MAPK9: variants seen among roughly 807,000 people sequenced by gnomAD.
MAPK9 encodes Jun kinase.
Under a neutral mutation model 57.1 loss-of-function variants are expected in MAPK9, and 30 were observed. The ratio of observed to expected loss-of-function variants is 0.53; its 90% CI spans 0.39 to 0.71. The LOEUF is 0.71. Ranked by LOEUF, MAPK9 falls within the 30% of genes least tolerant of loss-of-function variation. The probability of loss-of-function intolerance (pLI) is 0.00; values close to 1 mark genes in which losing one functional copy is unlikely to be tolerated. For missense variants in MAPK9, 362 were observed against 521.0 expected (o/e 0.69, Z 2.97); for synonymous variants, 155 against 177.0 (o/e 0.88, Z 0.99).
chr5:180,275,830 C>T (rs995867119), intron 2 of MAPK9, among the ~76,000 whole-genome samples: 10 of 152,222 alleles, frequency 6.6e-5, no homozygotes, highest in Non-Finnish European at 1.2e-4. Flanking sequence ...CTCTTCCTTA[C>T]GCACATACTT....
chr5:180,253,963 C>CTTTTTTTT (rs5873681), intron 5 of MAPK9, among the ~76,000 whole-genome samples: 13 of 109,358 alleles, frequency 1.2e-4, no homozygotes, highest in East Asian at 2.8e-4. Flanking sequence ...GCTTCAATCT[C>CTTTTTTTT]TTTTTTTTTT....
chr5:180,267,941 C>A (rs756457217), intron 3 of MAPK9, among the ~76,000 whole-genome samples: 1 of 152,162 alleles, frequency 6.6e-6, no homozygotes, highest in Admixed American at 6.5e-5. Flanking sequence ...CAGCTCACTG[C>A]AAGCTCTGCC....
At chr5:180,251,248 C>T (rs1758659995) in intron 5 of MAPK9, among the ~76,000 whole-genome samples, 1 of 152,098 alleles carries the variant, frequency 6.6e-6, no homozygotes, top group South Asian at 2.1e-4. Flanking sequence ...ACTTCCCCAG[C>T]CAGCAGGCCC....
At chr5:180,254,958 C>T (rs564651201) in intron 5 of MAPK9, among the ~76,000 whole-genome samples, 1 of 152,192 alleles carries the variant, frequency 6.6e-6, no homozygotes, top group East Asian at 1.9e-4. Flanking sequence ...GGCGTGAACC[C>T]GAGAGGCAGA....
At chr5:180,279,987 TG>T (rs1365105980) in intron 2 of MAPK9, 1 of 456,778 alleles carries the variant, frequency 2.2e-6, no homozygotes, top group Admixed American at 2.3e-5. Flanking sequence ...ACAATGACAC[TG>T]ACTGGCCTCA....
chr5:180,261,550 A>G, intron 5 of MAPK9, 134 bp downstream of exon 5: 1 of 921,112 alleles, frequency 1.1e-6, no homozygotes. Flanking sequence ...TGACTCTCTT[A>G]AAACACCATA....
chr5:180,264,808 T>C lies in MAPK9; in HGVS notation c.284A>G (p.Gln95Arg). Residue 95 changes from glutamine (Q) to arginine (R), a missense_variant, in exon 4 of 12, where the codon CAA (glutamine) becomes CGA (arginine). Gln to Arg is a conservative substitution (Grantham distance 43). Transcript: ENST00000452135. ...ATCTTGAAATTCTTCTAGAGTTTTTTGTGGTGTAAACACATTTAACAAACT... is the reference window on the plus strand; with the variant it reads ...ATCTTGAAATTCTTCTAGAGTTTTTCGTGGTGTAAACACATTTAACAAACT... The part of the protein sequence containing the change: ...IISLLNVFTP[Q>R]KTLEEFQDVY... 1.3e-6 allele frequency: 2 copies of C among 1,570,056 alleles called. No individual in the cohort carries two copies. Among genetic ancestry groups the C allele is most frequent in the Non-Finnish European group, 1.7e-6 (2 of 1,155,018 alleles).
In MAPK9 at chr5:180,269,269, A is replaced by G. The variant is rs1334915104; in HGVS notation, c.252+11T>C. 14 of 1,612,276 alleles carry G rather than the reference A, an allele frequency of 8.7e-6. No homozygotes were observed. The highest frequency in any genetic ancestry group is 1.1e-5 in the Non-Finnish European group (13 of 1,178,512). On this transcript the variant is annotated intron_variant, in intron 3 of 11. Transcript: ENST00000452135. ...ATGGAAGCACACAGACAAAATACAT[A>G]CATAACTTACATTTTTATGATTGAC...
intron 10 of MAPK9, 100 bp from the exon 11 acceptor site, chr5:180,238,503 G>A (rs557437200): frequency 1.9e-5 from 16 of 829,276 alleles, no homozygotes; most frequent in South Asian, 7.6e-5. Context: ...AAGGCATTGC[G>A]ATTTGTTATT....
Position 180,236,251 on chromosome 5 carries a change from G to A in MAPK9, c.*133C>T, listed in dbSNP as rs9605. 0.41 allele frequency: 407,923 copies of A among 1,002,954 alleles called. 84,167 individuals are homozygous for A. Among genetic ancestry groups the A allele is most frequent in the African/African-American group, 0.48 (29,469 of 60,880 alleles). 62.1% of individuals were successfully genotyped at this position (1,002,954 alleles called of 1,614,324 possible). ...AAGCAGGCAATCCTATCAGGTCTGA[G>A]TAGGGCAAGGCATTGTGTTTCTTAC... is the stretch of plus-strand genomic sequence containing the variant. On this transcript the variant is annotated 3_prime_UTR_variant, in exon 12 of 12. Coordinates refer to ENST00000452135, the MANE Select transcript of MAPK9 (RefSeq NM_002752.5).
At chr5:180,239,892 A>G (rs370432153) in intron 10 of MAPK9, 32 bp downstream of exon 10, 1 of 1,596,080 alleles carries the variant, frequency 6.3e-7, no homozygotes, top group African/African-American at 1.3e-5. Flanking sequence ...AGAAATGTCA[A>G]AAGGAAGGAT....
intron 1 of MAPK9, among the ~76,000 whole-genome samples, chr5:180,283,465 C>T (rs1762482114): frequency 6.6e-6 from 1 of 152,198 alleles, no homozygotes; most frequent in African/African-American, 2.4e-5. Flanking sequence ...CCATTCAGGA[C>T]CCCGTGTCCA....
chr5:180,282,616 G>A (rs1422928757), intron 1 of MAPK9, among the ~76,000 whole-genome samples: 2 of 152,220 alleles, frequency 1.3e-5, no homozygotes, highest in Non-Finnish European at 2.9e-5. Context: ...CAGACACAGC[G>A]AACTGCTGAG....
In MAPK9 at chr5:180,234,762, T is replaced by C. The variant is rs1554118875; in HGVS notation, c.*1622A>G. 1 of 152,246 alleles carries C rather than the reference T, an allele frequency of 6.6e-6. No homozygotes were observed. Among genetic ancestry groups the C allele is most frequent in the Non-Finnish European group, 1.5e-5 (1 of 68,040 alleles). The allele number at this position is 152,246 out of a possible 1,614,324, so 9.4% of individuals were successfully genotyped here. A position where few individuals can be genotyped will look rare whatever the true frequency, so the allele number is the denominator to read the frequency against. ...CAAATGACACAATATAAAAGAACTA[T>C]TTCTTATTTCAATATTAATTTTGCT... On this transcript the variant is annotated 3_prime_UTR_variant, in exon 12 of 12. Transcript: ENST00000452135.
intron 4 of MAPK9, among the ~76,000 whole-genome samples, chr5:180,262,402 T>TATCTCCA (rs1263997410): frequency 2.8e-4 from 42 of 152,228 alleles, no homozygotes; most frequent in African/African-American, 9.9e-4. Context: ...TCTCATGTGC[T>TATCTCCA]ATCTCCAATT....
intron 3 of MAPK9, among the ~76,000 whole-genome samples, chr5:180,265,913 C>G (rs777237633): frequency 7.9e-5 from 12 of 152,006 alleles, no homozygotes; most frequent in Non-Finnish European, 1.6e-4. Context: ...AATAAAACCT[C>G]AGAATATAGA....
chr5:180,239,104 G>C (rs147600895), intron 10 of MAPK9, among the ~76,000 whole-genome samples: 6 of 152,220 alleles, frequency 3.9e-5, no homozygotes, highest in Admixed American at 3.3e-4. Context: ...CCCACATGTG[G>C]GCTAGGAGCC....
intron 5 of MAPK9, among the ~76,000 whole-genome samples, chr5:180,254,531 A>G (rs185246744): frequency 3.1e-4 from 47 of 152,370 alleles, no homozygotes; most frequent in African/African-American, 1.1e-3. Context: ...AATGGAGTTA[A>G]GAGGACATTC....
chr5:180,279,248 G>A (rs993405791), intron 2 of MAPK9, among the ~76,000 whole-genome samples: 31 of 152,160 alleles, frequency 2.0e-4, no homozygotes, highest in Admixed American at 1.8e-3. Context: ...GAGCCACCGT[G>A]CCCGGCCACC....
Sources: allele counts gnomAD v4.1 joint callset (sites outside exome capture counted in the v4.1 genomes callset), GRCh38; gene constraint gnomAD v4.1.1; transcripts MANE v1.5; gene names NCBI Gene and HGNC (gene_info 2026-07-23, HGNC 2026-07-21).